Variants in FAT1 observed in about 807,000 individuals in gnomAD.
The protein encoded by FAT1 is protocadherin Fat 1.
FAT1 carries 171 observed loss-of-function variants against 329.8 expected under a neutral mutation model. The observed-to-expected ratio is 0.52, with a 90% CI of 0.46 to 0.59. FAT1 has a LOEUF of 0.59. Ranked by LOEUF, FAT1 falls within the 20% of genes least tolerant of loss-of-function variation. FAT1 has a pLI of 0.00. For missense variants in FAT1, 5,672 were observed against 5,774.4 expected (o/e 0.98, Z 0.57); for synonymous variants, 2,233 against 2,228.6 (o/e 1.00, Z -0.06).
rs1739907939 is a variant in FAT1, at chr4:186,619,378, G to A, written c.7208C>T (p.Ala2403Val). 2 of 1,614,016 alleles carry A rather than the reference G, an allele frequency of 1.2e-6. No homozygotes were observed. Reference sequence around the variant, plus strand: ...ACAGGTCACGAAATGCCCATGAGGGGCGTGCTCGCTAATTCTGGCTTCATA... The same window carrying A: ...ACAGGTCACGAAATGCCCATGAGGGACGTGCTCGCTAATTCTGGCTTCATA... ...QIYEARISEH[A>V]PHGHFVTCVK... Residue 2403 changes from alanine (A) to valine (V), a missense_variant, in exon 10 of 27, where the codon GCC becomes GTC. Around this residue, in one of 2 missense-constraint regions of FAT1, gnomAD observed 3,966 missense variants for 3,915.2 expected, o/e 1.01. Coordinates refer to ENST00000441802, the MANE Select transcript of FAT1 (RefSeq NM_005245.4).
intron 1 of FAT1, among the ~76,000 whole-genome samples, chr4:186,716,801 T>C (rs576105426): frequency 3.3e-5 from 5 of 152,316 alleles, no homozygotes; most frequent in Admixed American, 2.6e-4. Context: ...TTTGTTTGTT[T>C]TGGAGACAGT....
chr4:186,695,758 A>AT (rs1743996861), intron 2 of FAT1, among the ~76,000 whole-genome samples: 1 of 89,418 alleles, frequency 1.1e-5, no homozygotes, highest in Admixed American at 1.3e-4. Context: ...TATTATATAT[A>AT]AAACACACAC....
rs749983018 is a variant in FAT1, at chr4:186,709,534, T to C, written c.294A>G (p.Ile98Met). ...YILGDFCFLR[I>M]RTKGGNTAIL... ...TAGCTGTATTTCCTCCTTTGGTCCT[T>C]ATTCTTAGAAAGCAAAAGTCTCCGA... The change falls in exon 2 of 27, where the codon ATA becomes ATG. Residue 98 changes from isoleucine (I) to methionine (M), a missense_variant. By Grantham distance (10) the Ile-to-Met change is conservative. Coordinates refer to ENST00000441802, the MANE Select transcript of FAT1 (RefSeq NM_005245.4). The C allele has an allele frequency of 1.2e-6, 2 of 1,614,048 alleles. No individual in the cohort carries two copies. Among genetic ancestry groups the C allele is most frequent in the Admixed American group, 1.7e-5 (1 of 60,028 alleles).
rs1238906946 is a variant in FAT1, at chr4:186,621,452, T to A, written c.5134A>T (p.Ile1712Phe). 1 of 1,614,052 alleles carries A rather than the reference T, an allele frequency of 6.2e-7. No individual in the cohort carries two copies. Among genetic ancestry groups the A allele is most frequent in the South Asian group, 1.1e-5 (1 of 91,078 alleles). Reference protein sequence around the residue: ...KDGNTGDAFDINPHSGTIITQ... With the variant: ...KDGNTGDAFDFNPHSGTIITQ... Reference sequence around the variant, plus strand: ...ATGATAGTTCCAGAATGTGGATTAATATCAAAAGCATCACCTGTATTTCCA... The same window carrying A: ...ATGATAGTTCCAGAATGTGGATTAAAATCAAAAGCATCACCTGTATTTCCA... Residue 1712 changes from isoleucine (I) to phenylalanine (F), a missense_variant, in exon 10 of 27, where the codon ATT (isoleucine) becomes TTT (phenylalanine). Physicochemically the swap from Ile to Phe is conservative, Grantham distance 21 (BLOSUM62 0). Transcript: ENST00000441802.
At chr4:186,611,829 T>G in intron 13 of FAT1, 54 bp from the exon 14 acceptor site, 1 of 1,048,416 alleles carries the variant, frequency 9.5e-7, no homozygotes, top group Non-Finnish European at 1.3e-6. Flanking sequence ...GTTTAACACT[T>G]TTTTTTTTTT....
At chr4:186,604,272 T>G in intron 18 of FAT1, 105 bp downstream of exon 18, 1 of 967,892 alleles carries the variant, frequency 1.0e-6, no homozygotes, top group Non-Finnish European at 1.5e-6. Flanking sequence ...CTATGAAAGT[T>G]TGTTTTTGTA....
At chr4:186,603,137 C>T (rs780787819) in intron 19 of FAT1, 39 bp downstream of exon 19, 1 of 1,608,602 alleles carries the variant, frequency 6.2e-7, no homozygotes, top group South Asian at 1.1e-5. Flanking sequence ...CGTCTGAAAC[C>T]ATCTGTGACA....
intron 2 of FAT1, among the ~76,000 whole-genome samples, chr4:186,696,406 T>C (rs578229628): frequency 4.6e-5 from 7 of 152,322 alleles, no homozygotes; most frequent in Admixed American, 4.6e-4. Context: ...CACTTAAATA[T>C]GTAAACACCT....
chr4:186,719,602 C>T lies in FAT1; in HGVS notation c.-19+4062G>A, dbSNP rs1268941521. ...AACAAAAAGGAAGGGGTTGGGAGAACATCAAATGTGGAACCTAGCTCCAGC... is the reference window on the plus strand; with the variant it reads ...AACAAAAAGGAAGGGGTTGGGAGAATATCAAATGTGGAACCTAGCTCCAGC... On this transcript the variant is annotated intron_variant, in intron 1 of 26. Transcript: ENST00000441802. Among the ~76,000 whole-genome samples, 4 of 152,300 alleles carry T rather than the reference C, an allele frequency of 2.6e-5. No individual in the cohort carries two copies. The East Asian group carries it at 5.8e-4, about 22-fold the overall frequency.
At chr4:186,605,543 G>A (rs1214109168) in intron 17 of FAT1, among the ~76,000 whole-genome samples, 1 of 122,052 alleles carries the variant, frequency 8.2e-6, no homozygotes, top group African/African-American at 3.2e-5. Flanking sequence ...AGGAAGAGAA[G>A]GAGGAGGAAT....
Position 186,696,843 on chromosome 4 carries a change from G to A in FAT1, c.3265+9720C>T, listed in dbSNP as rs535839734. ...GTTCGAGACCAGCCTGGCCAACACA[G>A]CAAAAACTCGTCTCTAGTAAAAACA... On this transcript the variant is annotated intron_variant, in intron 2 of 26. Transcript: ENST00000441802. Among the ~76,000 whole-genome samples, 13 of 152,222 alleles carry A rather than the reference G, an allele frequency of 8.5e-5. No homozygotes were observed. The South Asian group carries it at 2.7e-3, about 32-fold the overall frequency.
At chr4:186,664,050 A>T (rs983389353) in intron 2 of FAT1, among the ~76,000 whole-genome samples, 7 of 152,106 alleles carry the variant, frequency 4.6e-5, no homozygotes, top group African/African-American at 1.7e-4. Context: ...GAAGACAGGG[A>T]CAACACCAGA....
At position 186,708,515 on chromosome 4, in the gene FAT1, A is replaced by C. The variant is rs2126697097; in HGVS notation, c.1313T>G (p.Val438Gly). The part of the protein sequence containing the change: ...RQQAAHFELE[V>G]TTSDRKASTK... The stretch of plus-strand genomic sequence containing the variant: ...GGACGCTTTTCTGTCACTTGTTGTT[A>C]CTTCAAGTTCAAAATGGGCTGCCTG... Residue 438 changes from valine to glycine, a missense_variant, in exon 2 of 27, where the codon GTA (valine) becomes GGA (glycine). By Grantham distance (109) the Val-to-Gly change is moderately radical. Around this residue, in one of 2 missense-constraint regions of FAT1, gnomAD observed 3,966 missense variants for 3,915.2 expected, o/e 1.01. Coordinates refer to ENST00000441802, the MANE Select transcript of FAT1 (RefSeq NM_005245.4). 1 of 1,613,950 alleles carries C rather than the reference A, an allele frequency of 6.2e-7. No individual in the cohort carries two copies. Among genetic ancestry groups the C allele is most frequent in the Non-Finnish European group, 8.5e-7 (1 of 1,179,876 alleles).
intron 12 of FAT1, 22 bp downstream of exon 12, chr4:186,614,169 T>A (rs746022139): frequency 1.3e-6 from 2 of 1,574,244 alleles, no homozygotes; most frequent in South Asian, 2.4e-5. Context: ...ACAATTTATT[T>A]TGTCCCAAAC....
chr4:186,622,603 T>C (rs1740097955), intron 9 of FAT1, among the ~76,000 whole-genome samples: 1 of 152,234 alleles, frequency 6.6e-6, no homozygotes, highest in South Asian at 2.1e-4. Context: ...TCCTTTTCTT[T>C]GGACCTTTTC....
chr4:186,726,202 C>T (rs1306841406), upstream of FAT1, among the ~76,000 whole-genome samples: 1 of 152,250 alleles, frequency 6.6e-6, no homozygotes, highest in Non-Finnish European at 1.5e-5. Context: ...CCGATCCGCA[C>T]AAAGCCAGAG....
chr4:186,589,226 T>C lies in FAT1; in HGVS notation c.13139-6A>G. 6.3e-7 allele frequency: 1 copy of C among 1,593,138 alleles called. No homozygotes were observed. The highest frequency in any genetic ancestry group is 1.3e-5 in the African/African-American group (1 of 74,176). On this transcript the variant is annotated splice_polypyrimidine_tract_variant and splice_region_variant and intron_variant, in intron 26 of 26. Coordinates refer to ENST00000441802, the MANE Select transcript of FAT1 (RefSeq NM_005245.4). ...TGATGTATCCCAGTGATACCCTTGG[T>C]GGAAAAGAAAACAGATGTCAGTGTG...
chr4:186,657,539 T>C (rs1741960060), intron 3 of FAT1, among the ~76,000 whole-genome samples: 1 of 152,140 alleles, frequency 6.6e-6, no homozygotes, highest in African/African-American at 2.4e-5. Flanking sequence ...TTGGGAATGA[T>C]GGGTGTGGTC....
intron 14 of FAT1, 85 bp downstream of exon 14, chr4:186,611,295 ACAGGGT>A: frequency 6.8e-6 from 8 of 1,180,082 alleles, no homozygotes; most frequent in Non-Finnish European, 9.5e-6. Flanking sequence ...TACTGACAAC[ACAGGGT>A]CACTTAATAC....
Sources: allele counts gnomAD v4.1 joint callset (sites outside exome capture counted in the v4.1 genomes callset), GRCh38; gene constraint gnomAD v4.1.1; regional missense constraint gnomAD v4.1.1; transcripts MANE v1.5; gene names NCBI Gene and HGNC (gene_info 2026-07-23, HGNC 2026-07-21).